RANBP10: variants seen among roughly 807,000 people sequenced by gnomAD.
RANBP10 encodes the protein RAN binding protein 10, also known as ran-binding protein 10.
Under a neutral mutation model 72.8 loss-of-function variants are expected in RANBP10, and 24 were observed. The observed-to-expected ratio is 0.33, with a 90% CI of 0.24 to 0.46. The LOEUF (loss-of-function observed/expected upper bound fraction) is 0.46, where lower values mean the gene tolerates loss of function less well. RANBP10 is among the 20% of genes least tolerant of loss of function. The pLI is 1.00. For missense variants in RANBP10, 679 were observed against 817.5 expected (o/e 0.83, Z 2.07); for synonymous variants, 310 against 322.3 (o/e 0.96, Z 0.41).
intron 3 of RANBP10, among the ~76,000 whole-genome samples, chr16:67,750,413 A>C (rs2054171552): frequency 6.6e-6 from 1 of 152,172 alleles, no homozygotes; most frequent in African/African-American, 2.4e-5. Flanking sequence ...CCCCTTGCAC[A>C]CTGCCCATAT....
chr16:67,801,046 T>A (rs913637687), intron 2 of RANBP10, among the ~76,000 whole-genome samples: 3 of 152,150 alleles, frequency 2.0e-5, no homozygotes, highest in Non-Finnish European at 4.4e-5. Context: ...TTCTGTGAAA[T>A]CTTGACATGA....
At chr16:67,788,564 T>G (rs1335178492) in intron 2 of RANBP10, among the ~76,000 whole-genome samples, 1 of 151,588 alleles carries the variant, frequency 6.6e-6, no homozygotes, top group Non-Finnish European at 1.5e-5. Flanking sequence ...CCCTTTTTTT[T>G]GTATTTTTAG....
At chr16:67,758,922 C>CT (rs1321538119) in intron 3 of RANBP10, among the ~76,000 whole-genome samples, 1 of 152,224 alleles carries the variant, frequency 6.6e-6, no homozygotes, top group East Asian at 1.9e-4. Flanking sequence ...TACAGGTCTC[C>CT]TGTGGGTCAG....
At position 67,759,973 on chromosome 16, in the gene RANBP10, G is replaced by A. The variant is rs190159556; in HGVS notation, c.400+12061C>T. 5.3e-5 allele frequency among the ~76,000 whole-genome samples: 8 copies of A among 152,054 alleles called. No individual in the cohort carries two copies. In the East Asian group the frequency reaches 9.7e-4, roughly 18 times the overall value. On this transcript the variant is annotated intron_variant, in intron 3 of 13. Transcript: ENST00000317506. ...AAATTAGCTGGGTGTGGTGGCAGGCGCCTGTAGTCCCAGCTACTCGGGACG... is the reference window on the plus strand; with the variant it reads ...AAATTAGCTGGGTGTGGTGGCAGGCACCTGTAGTCCCAGCTACTCGGGACG...
intron 3 of RANBP10, among the ~76,000 whole-genome samples, chr16:67,766,154 C>T (rs939241066): frequency 7.9e-5 from 12 of 152,318 alleles, no homozygotes; most frequent in Non-Finnish European, 1.0e-4. Context: ...AAATCAGCAG[C>T]GGCTGGCAGA....
At chr16:67,752,304 T>C (rs1474511130) in intron 3 of RANBP10, among the ~76,000 whole-genome samples, 2 of 152,120 alleles carry the variant, frequency 1.3e-5, no homozygotes, top group African/African-American at 4.8e-5. Context: ...CTTTATGAAA[T>C]GGAAGATGCC....
chr16:67,782,696 G>C (rs1024944748), intron 2 of RANBP10, among the ~76,000 whole-genome samples: 1 of 151,514 alleles, frequency 6.6e-6, no homozygotes, highest in Admixed American at 6.6e-5. Flanking sequence ...CATGTAATCC[G>C]CCCAGCTCGG....
At chr16:67,764,224 T>C (rs567177888) in intron 3 of RANBP10, among the ~76,000 whole-genome samples, 1 of 152,208 alleles carries the variant, frequency 6.6e-6, no homozygotes, top group Non-Finnish European at 1.5e-5. Flanking sequence ...AGTTCCACAC[T>C]TGGGCCTCTC....
intron 2 of RANBP10, among the ~76,000 whole-genome samples, chr16:67,787,236 CTCAATCAATCAA>C (rs796853537): frequency 6.6e-6 from 1 of 151,980 alleles, no homozygotes; most frequent in East Asian, 1.9e-4. Context: ...GAGACTCTAT[CTCAATCAATCAA>C]TCAATCAATC....
intron 2 of RANBP10, among the ~76,000 whole-genome samples, chr16:67,779,879 G>A (rs2054779288): frequency 6.6e-6 from 1 of 152,140 alleles, no homozygotes; most frequent in Non-Finnish European, 1.5e-5. Context: ...GGAAGTGAAG[G>A]CTGAGCCAAG....
At chr16:67,732,572 T>C (rs755670833) in intron 6 of RANBP10, among the ~76,000 whole-genome samples, 3 of 152,154 alleles carry the variant, frequency 2.0e-5, no homozygotes, top group Non-Finnish European at 4.4e-5. Context: ...AAGAAGTCCA[T>C]AAATAAGACT....
At chr16:67,727,590 G>T in intron 12 of RANBP10, 152 bp from the exon 13 acceptor site, 1 of 1,328,038 alleles carries the variant, frequency 7.5e-7, no homozygotes, top group Non-Finnish European at 1.1e-6. Flanking sequence ...CCAGAGCCTA[G>T]GTGTGGAGGG....
At chr16:67,799,588 G>C (rs530578280) in intron 2 of RANBP10, among the ~76,000 whole-genome samples, 8 of 152,148 alleles carry the variant, frequency 5.3e-5, no homozygotes, top group South Asian at 4.2e-4. Context: ...CGCCCGGCCA[G>C]CTCCATGTCT....
chr16:67,760,261 CT>C (rs1414017144), intron 3 of RANBP10, among the ~76,000 whole-genome samples: 1 of 152,190 alleles, frequency 6.6e-6, no homozygotes, highest in East Asian at 1.9e-4. Flanking sequence ...TATCAAACAC[CT>C]TGTTATTTCT....
At chr16:67,768,434 T>C (rs2143011693) in intron 3 of RANBP10, among the ~76,000 whole-genome samples, 1 of 151,986 alleles carries the variant, frequency 6.6e-6, no homozygotes, top group East Asian at 1.9e-4. Context: ...GGCACGAGAA[T>C]AGCTTGAACC....
intron 2 of RANBP10, among the ~76,000 whole-genome samples, chr16:67,774,739 C>T (rs1345892204): frequency 6.6e-6 from 1 of 152,090 alleles, no homozygotes; most frequent in Non-Finnish European, 1.5e-5. Flanking sequence ...GCGAATAAGC[C>T]CCCACTCTTC....
intron 2 of RANBP10, among the ~76,000 whole-genome samples, chr16:67,795,897 T>C (rs1167540351): frequency 1.3e-5 from 2 of 149,842 alleles, no homozygotes; most frequent in African/African-American, 4.9e-5. Context: ...TTTCTATACG[T>C]AAAATAAAAA....
rs2053586013 is a variant in RANBP10 at position 67,725,772 on chromosome 16, T to C, written c.*656A>G. ...ACTAAGTGGCCCACCAAACCCTATT[T>C]GGGTTTCCTAGGCTGCAGCTCGGCC... On this transcript the variant is annotated 3_prime_UTR_variant, in exon 14 of 14. Transcript: ENST00000317506. 1.3e-5 allele frequency: 2 copies of C among 152,386 alleles called. No homozygotes were observed. Among genetic ancestry groups the C allele is most frequent in the South Asian group, 4.1e-4 (2 of 4,824 alleles). The allele number at this position is 152,386 out of a possible 1,614,324, so 9.4% of individuals were successfully genotyped here.
intron 2 of RANBP10, among the ~76,000 whole-genome samples, chr16:67,788,200 T>G (rs2054951954): frequency 6.6e-6 from 1 of 152,052 alleles, no homozygotes. Flanking sequence ...ACTGATTGAT[T>G]GATTGAGATA....
Sources: gnomAD v4.1 joint callset for allele counts (sites outside exome capture counted in the v4.1 genomes callset) on GRCh38, gnomAD v4.1.1 for gene constraint, MANE v1.5 for transcripts, NCBI Gene and HGNC (gene_info 2026-07-23, HGNC 2026-07-21) for gene names.